The following UNC79 variants were observed in gnomAD, a reference collection of about 807,000 sequenced individuals.
UNC79 encodes the protein unc-79 subunit of NALCN channel complex.
UNC79 carries 37 observed loss-of-function variants against 283.1 expected under a neutral mutation model. That is an observed-to-expected ratio of 0.13 (90% CI 0.10 to 0.17). The LOEUF (loss-of-function observed/expected upper bound fraction) is 0.17. Among genes scored for constraint, UNC79 ranks in the 10% least tolerant of loss-of-function variants. UNC79 has a pLI of 1.00. For missense variants in UNC79, 2,272 were observed against 3,211.1 expected (o/e 0.71, Z 7.07); for synonymous variants, 1,107 against 1,200.2 (o/e 0.92, Z 1.61).
chr14:93,500,538 C>CT (rs1042517975), intron 7 of UNC79, among the ~76,000 whole-genome samples: 2 of 152,176 alleles, frequency 1.3e-5, no homozygotes, highest in Non-Finnish European at 2.9e-5. Flanking sequence ...TGTTTAGCTG[C>CT]TTATGATATT....
intron 14 of UNC79, among the ~76,000 whole-genome samples, chr14:93,553,012 G>A (rs145406892): frequency 6.6e-6 from 1 of 152,306 alleles, no homozygotes; most frequent in East Asian, 1.9e-4. Flanking sequence ...CAGTATGAAA[G>A]CATGTCATTC....
At chr14:93,653,301 G>T (rs1031329649) in intron 35 of UNC79, among the ~76,000 whole-genome samples, 1 of 147,682 alleles carries the variant, frequency 6.8e-6, no homozygotes, top group Non-Finnish European at 1.5e-5. Context: ...CTCCTAATGA[G>T]AATGAACATC....
chr14:93,682,588 A>C, intron 41 of UNC79, 29 bp from the exon 45 acceptor site: 1 of 1,594,900 alleles, frequency 6.3e-7, no homozygotes, highest in South Asian at 1.1e-5. Flanking sequence ...ATACCCTTAA[A>C]AATAATTATC....
intron 7 of UNC79, among the ~76,000 whole-genome samples, chr14:93,506,224 ATT>A (rs774515757): frequency 2.8e-5 from 4 of 141,610 alleles, no homozygotes; most frequent in Non-Finnish European, 3.1e-5. Flanking sequence ...ATTGTATACA[ATT>A]TTTTTTTTTT....
At chr14:93,671,078 A>G (rs1171721815) in intron 40 of UNC79, among the ~76,000 whole-genome samples, 3 of 152,234 alleles carry the variant, frequency 2.0e-5, no homozygotes. Context: ...ATTTTGGTGT[A>G]TTCATACAAT....
chr14:93,663,449 A>T (rs1018469535), intron 40 of UNC79, among the ~76,000 whole-genome samples: 1 of 152,186 alleles, frequency 6.6e-6, no homozygotes, highest in African/African-American at 2.4e-5. Context: ...GCTTGTTTTC[A>T]ATGGGTCTCT....
Position 93,418,315 on chromosome 14 carries a change from C to T in UNC79, c.-350-49356C>T, listed in dbSNP as rs568294989. 7.6e-4 allele frequency among the ~76,000 whole-genome samples: 116 copies of T among 151,828 alleles called. 1 individual carries two copies. Among genetic ancestry groups the T allele is most frequent in the East Asian group, 1.4e-3 (7 of 5,130 alleles). On this transcript the variant is annotated intron_variant, in intron 1 of 49. Transcript: ENST00000256339. ...ACCCTGTTTGCCTGGGTACCAGCAG[C>T]GGTGGCTGCAGAACAGCAGATTTTC...
At chr14:93,406,868 G>C (rs544257320) in intron 1 of UNC79, among the ~76,000 whole-genome samples, 1 of 152,138 alleles carries the variant, frequency 6.6e-6, no homozygotes, top group Non-Finnish European at 1.5e-5. Flanking sequence ...TATAAACTAG[G>C]TGGCTTAAAA....
chr14:93,356,026 C>CTTTT (rs56265512), intron 1 of UNC79, among the ~76,000 whole-genome samples: 4 of 122,500 alleles, frequency 3.3e-5, no homozygotes, highest in African/African-American at 6.2e-5. Context: ...TACTAGTGTA[C>CTTTT]TTTTTTTTTT....
chr14:93,411,759 TACAGCTTAGATCACA>T (rs1028234270), intron 1 of UNC79, among the ~76,000 whole-genome samples: 1 of 152,234 alleles, frequency 6.6e-6, no homozygotes, highest in African/African-American at 2.4e-5. Flanking sequence ...TTAATGCAGA[TACAGCTTAGATCACA>T]ACACTCAAGT....
At chr14:93,551,199 G>A (rs1391828782) in intron 14 of UNC79, among the ~76,000 whole-genome samples, 3 of 152,122 alleles carry the variant, frequency 2.0e-5, no homozygotes, top group Admixed American at 1.3e-4. Context: ...ACAGGCGCCC[G>A]TCACTAAGCC....
chr14:93,387,568 C>T (rs533027996), intron 1 of UNC79, among the ~76,000 whole-genome samples: 1 of 152,200 alleles, frequency 6.6e-6, no homozygotes, highest in South Asian at 2.1e-4. Flanking sequence ...TCTCGTTATT[C>T]ATTTGTAGTT....
intron 3 of UNC79, among the ~76,000 whole-genome samples, chr14:93,476,543 T>G (rs994501428): frequency 1.3e-5 from 2 of 152,224 alleles, no homozygotes; most frequent in African/African-American, 4.8e-5. Context: ...TGTTAGCTGA[T>G]GTGCCTGTTA....
chr14:93,455,874 C>T (rs192827052), intron 1 of UNC79, among the ~76,000 whole-genome samples: 1 of 149,746 alleles, frequency 6.7e-6, no homozygotes, highest in Admixed American at 6.6e-5. Flanking sequence ...ACTCTTGGTG[C>T]CTCTGTTTTG....
intron 1 of UNC79, among the ~76,000 whole-genome samples, chr14:93,359,432 A>G (rs1183824935): frequency 1.3e-5 from 2 of 152,232 alleles, no homozygotes; most frequent in Non-Finnish European, 2.9e-5. Context: ...GTCAGATCTA[A>G]CAGTGGGAAC....
intron 20 of UNC79, among the ~76,000 whole-genome samples, chr14:93,583,873 A>G (rs1159447633): frequency 2.0e-5 from 3 of 146,808 alleles, no homozygotes; most frequent in African/African-American, 7.7e-5. Flanking sequence ...GAGCCCGATC[A>G]CGGCTCACTC....
intron 11 of UNC79, among the ~76,000 whole-genome samples, chr14:93,535,472 G>A (rs1018992264): frequency 2.6e-5 from 4 of 152,128 alleles, no homozygotes; most frequent in East Asian, 3.8e-4. Flanking sequence ...AATTTACATC[G>A]TAAAACAGCA....
intron 1 of UNC79, among the ~76,000 whole-genome samples, chr14:93,375,931 A>G (rs914380248): frequency 2.7e-4 from 38 of 139,678 alleles, no homozygotes; most frequent in African/African-American, 1.0e-3. Context: ...CCTTATAAAA[A>G]GAGGAAGCGA....
intron 7 of UNC79, among the ~76,000 whole-genome samples, chr14:93,506,738 G>A (rs1233650255): frequency 6.6e-6 from 1 of 152,044 alleles, no homozygotes; most frequent in African/African-American, 2.4e-5. Context: ...TCTCTCTTTT[G>A]TTAGTGATAG....
Sources: allele counts gnomAD v4.1 joint callset (sites outside exome capture counted in the v4.1 genomes callset), GRCh38; gene constraint gnomAD v4.1.1; transcripts MANE v1.5; gene names NCBI Gene and HGNC (gene_info 2026-07-23, HGNC 2026-07-21).